Variants in FHIP1A observed in about 807,000 individuals in gnomAD.
The protein encoded by FHIP1A is FHF complex subunit HOOK-interacting protein 1A.
In FHIP1A, 61 loss-of-function variants were observed where a neutral mutation model predicts 88.6. The ratio of observed to expected loss-of-function variants is 0.69; its 90% CI spans 0.56 to 0.85. The LOEUF (loss-of-function observed/expected upper bound fraction) is 0.85, where lower values mean the gene tolerates loss of function less well. Among genes scored for constraint, FHIP1A ranks in the 40% least tolerant of loss-of-function variants. FHIP1A has a pLI of 0.00. For synonymous variants in FHIP1A, 478 were observed against 496.0 expected, an observed-to-expected ratio of 0.96 and a Z score of 0.48; for missense variants, 1,154 against 1,273.5, an observed-to-expected ratio of 0.91 and a Z score of 1.43.
At chr4:151,493,184 G>A (rs902949433) in intron 3 of FHIP1A, among the ~76,000 whole-genome samples, 1 of 152,070 alleles carries the variant, frequency 6.6e-6, no homozygotes, top group African/African-American at 2.4e-5. Flanking sequence ...GATTATTCAA[G>A]GCTACTATGA....
At chr4:151,516,208 C>A (rs1731230583) in intron 3 of FHIP1A, among the ~76,000 whole-genome samples, 1 of 152,104 alleles carries the variant, frequency 6.6e-6, no homozygotes, top group South Asian at 2.1e-4. Flanking sequence ...GGAAAGGATT[C>A]CCTATTTAAT....
chr4:151,502,173 A>AG (rs1730676702), intron 3 of FHIP1A, among the ~76,000 whole-genome samples: 1 of 146,910 alleles, frequency 6.8e-6, no homozygotes, highest in Non-Finnish European at 1.5e-5. Context: ...AAAAAAAAAA[A>AG]GAAAAGAAAA....
At chr4:151,618,412 AG>A (rs1387726729) in intron 7 of FHIP1A, among the ~76,000 whole-genome samples, 1 of 152,196 alleles carries the variant, frequency 6.6e-6, no homozygotes, top group Non-Finnish European at 1.5e-5. Flanking sequence ...AAATGTTCAG[AG>A]TCTGTGAGCT....
intron 4 of FHIP1A, among the ~76,000 whole-genome samples, chr4:151,574,221 A>G (rs1173311668): frequency 6.6e-6 from 1 of 152,264 alleles, no homozygotes; most frequent in Non-Finnish European, 1.5e-5. Context: ...TCTTCCAGGC[A>G]GTAAAACCAG....
chr4:151,438,078 G>A (rs1378558457), intron 1 of FHIP1A, among the ~76,000 whole-genome samples: 1 of 151,864 alleles, frequency 6.6e-6, no homozygotes, highest in Non-Finnish European at 1.5e-5. Flanking sequence ...GGAAAGTGCT[G>A]AGAGACCAAA....
intron 6 of FHIP1A, among the ~76,000 whole-genome samples, chr4:151,588,463 G>A (rs893790068): frequency 3.3e-5 from 5 of 152,032 alleles, no homozygotes; most frequent in Non-Finnish European, 7.4e-5. Context: ...AAAGTAAGGG[G>A]CAAAAATTAT....
intron 1 of FHIP1A, among the ~76,000 whole-genome samples, chr4:151,453,161 G>T (rs774805852): frequency 2.9e-4 from 44 of 151,600 alleles, no homozygotes; most frequent in Admixed American, 3.9e-4. Context: ...GATTACAGGC[G>T]CCTTCCACCA....
intron 9 of FHIP1A, among the ~76,000 whole-genome samples, chr4:151,640,111 C>T (rs1403087217): frequency 6.6e-6 from 1 of 152,198 alleles, no homozygotes; most frequent in Non-Finnish European, 1.5e-5. Context: ...CCTACTGAAT[C>T]AGAAACTCTG....
rs536484964 is a variant in FHIP1A, at chr4:151,658,053, C to T, written c.2869+1155C>T. On this transcript the variant is annotated intron_variant, in intron 13 of 13. Transcript: ENST00000435205. ...GGTAGGCCATGTGCCACTGGTAAAG[C>T]GAGGAGTCGGGCTTTGAGAAGAGCA... Among the ~76,000 whole-genome samples the T allele has an allele frequency of 5.3e-5, 8 of 152,060 alleles. No individual in the cohort carries two copies. In the South Asian group the frequency reaches 1.0e-3, roughly 20 times the overall value.
In FHIP1A at chr4:151,588,886, A is replaced by T; in HGVS notation, c.938A>T (p.Asn313Ile). The change falls in exon 7 of 14, where the codon AAT becomes ATT. Residue 313 changes from asparagine (N) to isoleucine (I), a missense_variant. Physicochemically the swap from Asn to Ile is moderately radical, Grantham distance 149. Coordinates refer to ENST00000435205, the MANE Select transcript of FHIP1A (RefSeq NM_001109977.3). ...AATCAGCTTGTCAATTACATTTACA[A>T]TGGATTTTTGGTACCAGTCTTGGCT... ...IRNQLVNYIY[N>I]GFLVPVLAPA... 1 of 1,551,418 alleles carries T rather than the reference A, an allele frequency of 6.4e-7. No individual in the cohort carries two copies. Among genetic ancestry groups the T allele is most frequent in the Non-Finnish European group, 8.7e-7 (1 of 1,146,782 alleles).
chr4:151,552,328 A>G (rs1229385874), intron 3 of FHIP1A, among the ~76,000 whole-genome samples: 2 of 152,226 alleles, frequency 1.3e-5, no homozygotes, highest in Non-Finnish European at 2.9e-5. Flanking sequence ...TTTACTGGGA[A>G]TATACCCAAA....
chr4:151,440,446 A>G (rs945445827), intron 1 of FHIP1A, among the ~76,000 whole-genome samples: 4 of 152,148 alleles, frequency 2.6e-5, no homozygotes, highest in Admixed American at 6.5e-5. Context: ...CTACTGGACA[A>G]TTTCTAGTAG....
chr4:151,470,987 A>C (rs1243991972), intron 2 of FHIP1A, among the ~76,000 whole-genome samples: 3 of 152,148 alleles, frequency 2.0e-5, no homozygotes, highest in African/African-American at 7.2e-5. Flanking sequence ...TGACCTTTCC[A>C]AATTGGAGCA....
rs147348568 is a variant in FHIP1A at position 151,477,273 on chromosome 4, G to A, written c.-247-5251G>A. 5.3e-3 allele frequency among the ~76,000 whole-genome samples: 806 copies of A among 152,274 alleles called. 5 individuals carry two copies. The highest frequency in any genetic ancestry group is 7.6e-3 in the Non-Finnish European group (520 of 68,008). On this transcript the variant is annotated intron_variant, in intron 2 of 13. Coordinates refer to ENST00000435205, the MANE Select transcript of FHIP1A (RefSeq NM_001109977.3). Reference sequence around the variant, plus strand: ...AAAGGTGGTATTTCAAATTAGTCGGGTAAAGTTGCTCAGTTCCATAACTGA... The same window carrying A: ...AAAGGTGGTATTTCAAATTAGTCGGATAAAGTTGCTCAGTTCCATAACTGA...
intron 3 of FHIP1A, among the ~76,000 whole-genome samples, chr4:151,527,017 A>G (rs1463660103): frequency 6.7e-6 from 1 of 149,052 alleles, no homozygotes; most frequent in African/African-American, 2.5e-5. Context: ...GCGGCCGGGC[A>G]GAGACACTCC....
At chr4:151,582,624 C>T (rs775682048) in intron 5 of FHIP1A, among the ~76,000 whole-genome samples, 1 of 152,082 alleles carries the variant, frequency 6.6e-6, no homozygotes, top group Non-Finnish European at 1.5e-5. Context: ...TGTTGTTATC[C>T]TTGTGGTTTT....
chr4:151,561,271 G>A (rs1733161174), intron 3 of FHIP1A, among the ~76,000 whole-genome samples: 1 of 152,146 alleles, frequency 6.6e-6, no homozygotes. Context: ...AATGATGGAC[G>A]TTTTACAGTG....
intron 1 of FHIP1A, among the ~76,000 whole-genome samples, chr4:151,424,460 A>C (rs1733290486): frequency 6.6e-6 from 1 of 152,140 alleles, no homozygotes; most frequent in African/African-American, 2.4e-5. Context: ...AGTGAACCAA[A>C]GGCATGGAAT....
Position 151,629,810 on chromosome 4 carries a change from C to G in FHIP1A, c.1087C>G (p.Gln363Glu). The part of the protein sequence containing the change: ...EIFLRFILLH[Q>E]HENVHILDTL... ...CTTCCTCCGTTTTATCCTATTGCAC[C>G]AGCACGAGAATGTCCACATCCTAGA... Residue 363 changes from glutamine to glutamate, a missense_variant, in exon 8 of 14, where the codon CAG (glutamine) becomes GAG (glutamate). Physicochemically the swap from Gln to Glu is conservative, Grantham distance 29. Transcript: ENST00000435205. 6.4e-7 allele frequency: 1 copy of G among 1,551,458 alleles called. No homozygotes were observed.
Sources: allele counts gnomAD v4.1 joint callset (sites outside exome capture counted in the v4.1 genomes callset), GRCh38; gene constraint gnomAD v4.1.1; transcripts MANE v1.5; gene names NCBI Gene and HGNC (gene_info 2026-07-23, HGNC 2026-07-21).